Variants in NCOR1 observed in about 807,000 individuals in gnomAD.
The protein encoded by NCOR1 is protein phosphatase 1, regulatory subunit 109.
Under a neutral mutation model 288.1 loss-of-function variants are expected in NCOR1, and 63 were observed. That is an observed-to-expected ratio of 0.22 (90% CI 0.18 to 0.27). NCOR1 has a LOEUF of 0.27. NCOR1 is among the 10% of genes least tolerant of loss of function. The pLI, the probability that NCOR1 is intolerant of heterozygous loss-of-function variation, is 1.00. For missense variants in NCOR1, 2,397 were observed against 3,019.2 expected (o/e 0.79, Z 4.83); for synonymous variants, 1,007 against 1,065.9 (o/e 0.94, Z 1.08).
Position 16,164,760 on chromosome 17 carries a change from GACAA to G in NCOR1, c.618+215_618+218del, listed in dbSNP as rs1329090989. 14 of 354,068 alleles carry G rather than the reference GACAA, an allele frequency of 4.0e-5. 1 individual carries two copies. Among genetic ancestry groups the G allele is most frequent in the South Asian group, 3.0e-4 (3 of 10,004 alleles). 21.9% of individuals were successfully genotyped at this position (354,068 alleles called of 1,614,324 possible). A position where few individuals can be genotyped will look rare whatever the true frequency, so the allele number is the denominator to read the frequency against. Reference sequence around the variant, plus strand: ...AAAAAAAAAAATCAAAAATAGAATGGACAAACAAATTTCACTCTCTACAATCATA... The same window carrying G: ...AAAAAAAAAAATCAAAAATAGAATGGACAAATTTCACTCTCTACAATCATA... On this transcript the variant is annotated intron_variant, in intron 5 of 45. Transcript: ENST00000268712.
intron 37 of NCOR1, among the ~76,000 whole-genome samples, chr17:16,059,200 C>T (rs1003924516): frequency 2.7e-5 from 4 of 150,652 alleles, no homozygotes; most frequent in Non-Finnish European, 4.4e-5. Context: ...GGTTAATAAA[C>T]AAATGAGGGA....
At position 16,064,178 on chromosome 17, in the gene NCOR1, G is replaced by A. The variant is rs1327713220; in HGVS notation, c.5111C>T (p.Thr1704Ile). The A allele has an allele frequency of 1.2e-6, 2 of 1,613,848 alleles. No individual in the cohort carries two copies. The highest frequency in any genetic ancestry group is 1.7e-6 in the Non-Finnish European group (2 of 1,179,840). ...AGCACTTGCAGCAGCTGCAAGGTGT[G>A]TTGGGTGTCCTGTAAAACATAAACC... is the stretch of plus-strand genomic sequence containing the variant. ...NSASMSPGHP[T>I]HLAAAASAER... is the part of the protein sequence containing the mutation. The change falls in exon 35 of 46, where the codon ACA (threonine) becomes ATA (isoleucine). Residue 1704 changes from threonine (T) to isoleucine (I), a missense_variant. This residue lies in a region of NCOR1 where 1,872 missense variants were observed against 2,187.8 expected (regional missense o/e 0.86). Coordinates refer to ENST00000268712, the MANE Select transcript of NCOR1 (RefSeq NM_006311.4).
At chr17:16,177,082 T>C (rs1334600299) in intron 3 of NCOR1, among the ~76,000 whole-genome samples, 2 of 152,038 alleles carry the variant, frequency 1.3e-5, no homozygotes, top group African/African-American at 4.8e-5. Flanking sequence ...CCTTTTCTTC[T>C]GCACTCACTC....
intron 18 of NCOR1, among the ~76,000 whole-genome samples, chr17:16,111,682 T>C (rs2070238501): frequency 1.3e-5 from 2 of 150,978 alleles, no homozygotes; most frequent in East Asian, 1.9e-4. Context: ...GGGGTCCAAC[T>C]GCAACTCTTC....
In NCOR1 at chr17:16,151,939, T is replaced by C; in HGVS notation, c.842+7A>G. ...ATTGAAGAACTCCAAAGATGATCAA[T>C]ACTTACGTCTTGATGTTCTCATGGT... On this transcript the variant is annotated splice_region_variant and intron_variant, in intron 8 of 45. Coordinates refer to ENST00000268712, the MANE Select transcript of NCOR1 (RefSeq NM_006311.4). 2 of 1,587,882 alleles carry C rather than the reference T, an allele frequency of 1.3e-6. No homozygotes were observed. Among genetic ancestry groups the C allele is most frequent in the Non-Finnish European group, 8.6e-7 (1 of 1,163,488 alleles).
At chr17:16,140,854 G>A (rs1015836434) in intron 11 of NCOR1, among the ~76,000 whole-genome samples, 2 of 151,964 alleles carry the variant, frequency 1.3e-5, no homozygotes, top group Admixed American at 6.6e-5. Context: ...TTAGCCGGGC[G>A]TAGTGGTGTA....
At chr17:16,094,075 T>C (rs996121619) in intron 21 of NCOR1, among the ~76,000 whole-genome samples, 1 of 148,016 alleles carries the variant, frequency 6.8e-6, no homozygotes, top group Admixed American at 6.7e-5. Flanking sequence ...TTTTTTTTTG[T>C]TTTTTTTTGG....
At position 16,039,667 on chromosome 17, in the gene NCOR1, C is replaced by A. The variant is rs772022058; in HGVS notation, c.6734-13G>T. ...GAGCTAACTGAGCCTGAAAGAGAAT[C>A]AAAAACATTTCCACTTATTTCTGAA... On this transcript the variant is annotated splice_polypyrimidine_tract_variant and intron_variant, in intron 43 of 45. Transcript: ENST00000268712. The A allele has an allele frequency of 6.2e-7, 1 of 1,605,548 alleles. No individual in the cohort carries two copies. Among genetic ancestry groups the A allele is most frequent in the South Asian group, 1.1e-5 (1 of 89,916 alleles).
intron 22 of NCOR1, chr17:16,087,172 C>T: frequency 7.7e-7 from 1 of 1,303,510 alleles, no homozygotes; most frequent in Non-Finnish European, 1.0e-6. Context: ...TGATATTTAC[C>T]TGGCGGGACA....
In NCOR1 at chr17:16,188,935, G is replaced by T. The variant is rs1056912459; in HGVS notation, c.109-2248C>A. Among the ~76,000 whole-genome samples, 6 of 152,190 alleles carry T rather than the reference G, an allele frequency of 3.9e-5. No individual in the cohort carries two copies. The East Asian group carries it at 9.7e-4, about 24-fold the overall frequency. Reference sequence around the variant, plus strand: ...AGCTACTCCAGAGGCTGAGGCAGTAGAATCGCTTGAACCTGGGAGGCGGAG... The same window carrying T: ...AGCTACTCCAGAGGCTGAGGCAGTATAATCGCTTGAACCTGGGAGGCGGAG... On this transcript the variant is annotated intron_variant, in intron 2 of 45. Coordinates refer to ENST00000268712, the MANE Select transcript of NCOR1 (RefSeq NM_006311.4).
intron 1 of NCOR1, among the ~76,000 whole-genome samples, chr17:16,200,665 G>C (rs975804893): frequency 2.6e-5 from 4 of 152,098 alleles, no homozygotes; most frequent in African/African-American, 9.7e-5. Flanking sequence ...ATTTTTACGT[G>C]ATAAAATAAT....
intron 42 of NCOR1, among the ~76,000 whole-genome samples, chr17:16,046,658 G>A (rs569952920): frequency 3.4e-4 from 51 of 152,164 alleles, no homozygotes; most frequent in Non-Finnish European, 6.2e-4. Flanking sequence ...GGGTAGGGGA[G>A]AAAGAAAAGT....
intron 1 of NCOR1, among the ~76,000 whole-genome samples, chr17:16,201,217 C>T (rs2090757449): frequency 6.6e-6 from 1 of 152,126 alleles, no homozygotes; most frequent in South Asian, 2.1e-4. Context: ...TTTAGTTAAC[C>T]TATCCTACCT....
At chr17:16,091,513 A>G in intron 22 of NCOR1, 1 of 1,035,448 alleles carries the variant, frequency 9.7e-7, no homozygotes, top group African/African-American at 1.7e-5. Context: ...ACACTGTAAT[A>G]CTTGAAGGTG....
chr17:16,060,718 AG>A (rs1440097774), intron 37 of NCOR1, among the ~76,000 whole-genome samples: 11 of 152,216 alleles, frequency 7.2e-5, no homozygotes, highest in Admixed American at 3.3e-4. Context: ...TGGAGATAAC[AG>A]AAAGATGATT....
chr17:16,179,969 A>C (rs1243312196), intron 3 of NCOR1, among the ~76,000 whole-genome samples: 1 of 151,602 alleles, frequency 6.6e-6, no homozygotes, highest in Non-Finnish European at 1.5e-5. Context: ...AAAAAAAAAA[A>C]AAAAAAAAAA....
chr17:16,072,264 T>C (rs1041605795), intron 28 of NCOR1, 36 bp from the exon 29 acceptor site: 4 of 1,498,406 alleles, frequency 2.7e-6, no homozygotes, highest in African/African-American at 1.4e-5. Flanking sequence ...TTATTCAACA[T>C]AATGTATATG....
At chr17:16,087,326 C>T in intron 22 of NCOR1, 3 of 1,303,946 alleles carry the variant, frequency 2.3e-6, no homozygotes, top group East Asian at 5.5e-5. Context: ...CAGCATAAGG[C>T]ATATAGGCGA....
At chr17:16,090,846 AT>A (rs1349959671) in intron 22 of NCOR1, among the ~76,000 whole-genome samples, 25 of 152,338 alleles carry the variant, frequency 1.6e-4, no homozygotes, top group Non-Finnish European at 2.9e-4. Context: ...TTTATATTAA[AT>A]AACCCTTGGA....
Sources: gnomAD v4.1 joint callset for allele counts (sites outside exome capture counted in the v4.1 genomes callset) on GRCh38, gnomAD v4.1.1 for gene constraint, gnomAD v4.1.1 regional missense constraint, MANE v1.5 for transcripts, NCBI Gene and HGNC (gene_info 2026-07-23, HGNC 2026-07-21) for gene names.